Variants in CNTNAP5 observed in about 807,000 individuals in gnomAD.
CNTNAP5 encodes contactin associated protein family member 5.
In CNTNAP5, 72 loss-of-function variants were observed where a neutral mutation model predicts 150.2. That is an observed-to-expected ratio of 0.48 (90% CI 0.40 to 0.58). The LOEUF is 0.58. Among genes scored for constraint, CNTNAP5 ranks in the 20% least tolerant of loss-of-function variants. CNTNAP5 has a pLI of 0.00. For synonymous variants in CNTNAP5, 672 were observed against 619.8 expected (o/e 1.08, Z -1.25); for missense variants, 1,636 against 1,626.2 (o/e 1.01, Z -0.10).
chr2:124,643,199 A>G (rs1231876303), intron 12 of CNTNAP5, among the ~76,000 whole-genome samples: 1 of 152,206 alleles, frequency 6.6e-6, no homozygotes, highest in African/African-American at 2.4e-5. Flanking sequence ...AAAATCTCCA[A>G]ATGCAGTCCT....
chr2:124,191,850 G>C (rs1446552010), intron 1 of CNTNAP5, among the ~76,000 whole-genome samples: 1 of 151,770 alleles, frequency 6.6e-6, no homozygotes, highest in Non-Finnish European at 1.5e-5. Context: ...TGGAGGCAGA[G>C]ATCGTGCCAC....
rs967873918 is a variant in CNTNAP5, at chr2:124,795,843, T to C, written c.2993-2253T>C. Among the ~76,000 whole-genome samples, 3 of 152,046 alleles carry C rather than the reference T, an allele frequency of 2.0e-5. No homozygotes were observed. The East Asian group carries it at 5.8e-4, about 29-fold the overall frequency. ...AGGTGTTTGTTTTTTTTAAAATATG[T>C]GTCTTACCATCTCAGAATCTAGTTA... On this transcript the variant is annotated intron_variant, in intron 18 of 23. Coordinates refer to ENST00000682447, the MANE Select transcript of CNTNAP5 (RefSeq NM_001367498.1).
chr2:124,609,443 A>T (rs980523546), intron 11 of CNTNAP5, among the ~76,000 whole-genome samples: 5 of 152,022 alleles, frequency 3.3e-5, no homozygotes, highest in Non-Finnish European at 7.4e-5. Flanking sequence ...TTTTTAAAAA[A>T]ATTAGTCAGG....
In CNTNAP5 at chr2:124,563,309, C is replaced by T. The variant is rs778337577; in HGVS notation, c.1742C>T (p.Ala581Val). Residue 581 changes from alanine to valine, a missense_variant, in exon 11 of 24, where the codon GCC (alanine) becomes GTC (valine). Transcript: ENST00000682447. ...CNCSDTSYTG[A>V]TCHNSIYEQS... is the part of the protein sequence containing the mutation. ...TGCAGTGACACAAGTTACACTGGTGCCACCTGCCACAACTGTGAGTAGATT... is the reference window on the plus strand; with the variant it reads ...TGCAGTGACACAAGTTACACTGGTGTCACCTGCCACAACTGTGAGTAGATT... 12 of 1,557,464 alleles carry T rather than the reference C, an allele frequency of 7.7e-6. No homozygotes were observed. The South Asian group carries it at 1.2e-4, about 15-fold the overall frequency.
intron 1 of CNTNAP5, among the ~76,000 whole-genome samples, chr2:124,215,688 T>A: frequency 1.6e-5 from 2 of 127,242 alleles, no homozygotes; most frequent in African/African-American, 3.0e-5. Flanking sequence ...TAGGGGAGAG[T>A]ATTGAAGATG....
intron 1 of CNTNAP5, among the ~76,000 whole-genome samples, chr2:124,124,672 G>T (rs951562504): frequency 1.3e-5 from 2 of 152,114 alleles, no homozygotes; most frequent in African/African-American, 4.8e-5. Flanking sequence ...AGAAAGGTCG[G>T]GTTACCCACA....
chr2:124,239,926 G>A (rs891959207), intron 2 of CNTNAP5, among the ~76,000 whole-genome samples: 4 of 152,024 alleles, frequency 2.6e-5, no homozygotes, highest in African/African-American at 9.7e-5. Flanking sequence ...CCTAGATCTG[G>A]CATCTCAGAA....
intron 13 of CNTNAP5, among the ~76,000 whole-genome samples, chr2:124,730,773 T>C (rs1484290094): frequency 6.6e-6 from 1 of 152,138 alleles, no homozygotes; most frequent in Non-Finnish European, 1.5e-5. Flanking sequence ...TGGGGTATTA[T>C]GGAATAGAAA....
At chr2:124,588,086 C>T (rs570237195) in intron 11 of CNTNAP5, among the ~76,000 whole-genome samples, 187 of 120,538 alleles carry the variant, frequency 1.6e-3, no homozygotes, top group African/African-American at 5.7e-3. Context: ...CTTTCTCTTT[C>T]TTTCTTTCTT....
chr2:124,535,803 A>G (rs1274460241), intron 10 of CNTNAP5, among the ~76,000 whole-genome samples: 2 of 151,964 alleles, frequency 1.3e-5, no homozygotes, highest in African/African-American at 4.8e-5. Context: ...GAAAGAAAAG[A>G]AAAAAGAAAA....
chr2:124,576,255 C>T (rs903368443), intron 11 of CNTNAP5, among the ~76,000 whole-genome samples: 2 of 151,960 alleles, frequency 1.3e-5, no homozygotes, highest in East Asian at 1.9e-4. Context: ...AGTCTGTTAA[C>T]GGAGGAGTTG....
intron 19 of CNTNAP5, among the ~76,000 whole-genome samples, chr2:124,839,319 G>A (rs1427600956): frequency 1.3e-5 from 2 of 151,878 alleles, no homozygotes; most frequent in Non-Finnish European, 2.9e-5. Context: ...GAGCAGACTG[G>A]GTCCAGATCA....
intron 11 of CNTNAP5, among the ~76,000 whole-genome samples, chr2:124,575,109 G>A (rs758560921): frequency 3.9e-5 from 6 of 152,076 alleles, no homozygotes; most frequent in East Asian, 1.9e-4. Flanking sequence ...AGGCAAGTAC[G>A]CTTTAATGTA....
intron 1 of CNTNAP5, among the ~76,000 whole-genome samples, chr2:124,201,509 A>C (rs1175767162): frequency 1.3e-5 from 2 of 152,244 alleles, no homozygotes; most frequent in African/African-American, 2.4e-5. Flanking sequence ...AAAGCTTAGG[A>C]AAGGTAAATA....
chr2:124,335,151 C>A (rs987995756), intron 3 of CNTNAP5, among the ~76,000 whole-genome samples: 4 of 152,134 alleles, frequency 2.6e-5, no homozygotes, highest in Non-Finnish European at 5.9e-5. Context: ...ATATGGGGTG[C>A]TGCTAGTCAC....
intron 14 of CNTNAP5, among the ~76,000 whole-genome samples, chr2:124,756,393 C>T (rs1041740474): frequency 5.3e-5 from 8 of 152,128 alleles, no homozygotes; most frequent in Non-Finnish European, 1.2e-4. Context: ...TATCATTTGA[C>T]TGAGCAATTC....
chr2:124,094,154 T>C (rs1573748929), intron 1 of CNTNAP5, among the ~76,000 whole-genome samples: 1 of 152,218 alleles, frequency 6.6e-6, no homozygotes, highest in South Asian at 2.1e-4. Flanking sequence ...GGTCTAAACG[T>C]GCAAACTCAA....
chr2:124,886,307 T>G (rs1290865498), intron 21 of CNTNAP5, among the ~76,000 whole-genome samples: 1 of 152,016 alleles, frequency 6.6e-6, no homozygotes, highest in Non-Finnish European at 1.5e-5. Flanking sequence ...CAACTAGACT[T>G]GGGGCAAGTG....
intron 13 of CNTNAP5, among the ~76,000 whole-genome samples, chr2:124,676,937 A>C (rs898330851): frequency 2.6e-5 from 4 of 152,164 alleles, no homozygotes; most frequent in Non-Finnish European, 1.5e-5. Context: ...TTCCTCCACC[A>C]TCTGGAAGTG....
Sources: gnomAD v4.1 joint callset for allele counts (sites outside exome capture counted in the v4.1 genomes callset) on GRCh38, gnomAD v4.1.1 for gene constraint, MANE v1.5 for transcripts, NCBI Gene and HGNC (gene_info 2026-07-23, HGNC 2026-07-21) for gene names.